Variants in CAMK4 observed in about 807,000 individuals in gnomAD.
CAMK4 encodes calcium/calmodulin dependent protein kinase IV, also known as calcium/calmodulin-dependent protein kinase type IV.
Under a neutral mutation model 44.9 loss-of-function variants are expected in CAMK4, and 22 were observed. The observed-to-expected ratio is 0.49, with a 90% CI of 0.35 to 0.70. CAMK4 has a LOEUF of 0.70. CAMK4 is among the 30% of genes least tolerant of loss of function. The pLI is 0.01. For synonymous variants in CAMK4, 218 were observed against 215.4 expected (o/e 1.01, Z -0.11); for missense variants, 498 against 586.8 (o/e 0.85, Z 1.56).
At chr5:111,463,945 T>A (rs1483997710) in intron 7 of CAMK4, among the ~76,000 whole-genome samples, 1 of 151,590 alleles carries the variant, frequency 6.6e-6, no homozygotes, top group East Asian at 1.9e-4. Flanking sequence ...TCTTTCACAC[T>A]CTCAAAAGAT....
chr5:111,396,321 A>T (rs572469827), intron 5 of CAMK4, among the ~76,000 whole-genome samples: 1 of 152,258 alleles, frequency 6.6e-6, no homozygotes, highest in East Asian at 1.9e-4. Context: ...CCTGGAGAGG[A>T]TGCCAACACA....
At chr5:111,454,760 G>A (rs1754359367) in intron 7 of CAMK4, among the ~76,000 whole-genome samples, 1 of 151,590 alleles carries the variant, frequency 6.6e-6, no homozygotes, top group Non-Finnish European at 1.5e-5. Flanking sequence ...AGATATTTAA[G>A]GCTTGAAGTT....
chr5:111,316,368 A>C (rs1748423540), intron 1 of CAMK4, among the ~76,000 whole-genome samples: 1 of 152,148 alleles, frequency 6.6e-6, no homozygotes, highest in Non-Finnish European at 1.5e-5. Context: ...GTCTCACTCC[A>C]CAGACATTTG....
rs1045290360 is a variant in CAMK4, at chr5:111,486,955, ACAAAT to A, written c.*2494_*2498del. 5.4e-4 allele frequency: 82 copies of A among 152,360 alleles called. 1 individual carries two copies. Among genetic ancestry groups the A allele is most frequent in the African/African-American group, 8.9e-4 (37 of 41,590 alleles). 9.4% of individuals were successfully genotyped at this position (152,360 alleles called of 1,614,324 possible). ...ACTAATTTCATTGTTTCAGTAGGAA[ACAAAT>A]CAAACTTTCAAAAATGTTGGTCATT... On this transcript the variant is annotated 3_prime_UTR_variant, in exon 11 of 11. Coordinates refer to ENST00000282356, the MANE Select transcript of CAMK4 (RefSeq NM_001744.6).
rs13167736 is a variant in CAMK4 at position 111,273,716 on chromosome 5, T to C, written c.161+49072T>C. ...ATATATATATATATATATATATATATATACACACACATACATACACACACA... is the reference window on the plus strand; with the variant it reads ...ATATATATATATATATATATATATACATACACACACATACATACACACACA... On this transcript the variant is annotated intron_variant, in intron 1 of 10. Transcript: ENST00000282356. Among the ~76,000 whole-genome samples the C allele has an allele frequency of 2.1e-4, 12 of 57,000 alleles. 1 individual carries two copies. Among genetic ancestry groups the C allele is most frequent in the South Asian group, 8.6e-4 (1 of 1,168 alleles). 37.4% of individuals were successfully genotyped at this position (57,000 alleles called of 152,430 possible).
At chr5:111,475,228 T>C (rs1198533401) in intron 8 of CAMK4, among the ~76,000 whole-genome samples, 1 of 152,086 alleles carries the variant, frequency 6.6e-6, no homozygotes, top group East Asian at 1.9e-4. Flanking sequence ...GAGATAAAGA[T>C]CCTGTTTTTG....
chr5:111,437,986 C>A (rs1028372827), intron 5 of CAMK4, among the ~76,000 whole-genome samples: 1 of 152,086 alleles, frequency 6.6e-6, no homozygotes, highest in Non-Finnish European at 1.5e-5. Flanking sequence ...CTATGGCCAT[C>A]CAGCTGGAGT....
intron 2 of CAMK4, among the ~76,000 whole-genome samples, chr5:111,355,474 A>G (rs186383370): frequency 7.7e-6 from 1 of 129,050 alleles, no homozygotes; most frequent in Non-Finnish European, 1.6e-5. Flanking sequence ...ATTTATTACA[A>G]TTCTGCATTC....
chr5:111,246,417 A>G (rs756183155), intron 1 of CAMK4, among the ~76,000 whole-genome samples: 7 of 152,344 alleles, frequency 4.6e-5, no homozygotes, highest in South Asian at 2.1e-4. Context: ...AAAGAAACCT[A>G]GCTGAGATCA....
At chr5:111,449,038 T>C (rs777074081) in intron 6 of CAMK4, 91 bp from the exon 7 acceptor site, 8 of 600,742 alleles carry the variant, frequency 1.3e-5, no homozygotes, top group African/African-American at 3.8e-5. Flanking sequence ...AGCAAATAGA[T>C]AAATAAGTTA....
chr5:111,254,725 C>G (rs549081115), intron 1 of CAMK4, among the ~76,000 whole-genome samples: 3 of 152,252 alleles, frequency 2.0e-5, no homozygotes, highest in African/African-American at 7.2e-5. Context: ...CTGCTAATCC[C>G]CCATCAATGC....
At chr5:111,443,889 T>C (rs567238705) in intron 5 of CAMK4, among the ~76,000 whole-genome samples, 44 of 152,342 alleles carry the variant, frequency 2.9e-4, no homozygotes, top group Non-Finnish European at 5.6e-4. Context: ...AAAGGTACTA[T>C]ATGAGATATT....
At position 111,333,104 on chromosome 5, in the gene CAMK4, A is replaced by T. The variant is rs1749242101; in HGVS notation, c.162-10920A>T. Among the ~76,000 whole-genome samples the T allele has an allele frequency of 3.3e-5, 5 of 151,690 alleles. No homozygotes were observed. The South Asian group carries it at 1.0e-3, about 31-fold the overall frequency. ...ATAGTATATAAAAACAATGGTATATATTGCTTATTAATATTAAGCATAATT... is the reference window on the plus strand; with the variant it reads ...ATAGTATATAAAAACAATGGTATATTTTGCTTATTAATATTAAGCATAATT... On this transcript the variant is annotated intron_variant, in intron 1 of 10. Coordinates refer to ENST00000282356, the MANE Select transcript of CAMK4 (RefSeq NM_001744.6).
At chr5:111,330,161 A>G (rs2112718840) in intron 1 of CAMK4, among the ~76,000 whole-genome samples, 1 of 151,282 alleles carries the variant, frequency 6.6e-6, no homozygotes, top group Non-Finnish European at 1.5e-5. Flanking sequence ...AGGTTTTAAG[A>G]TAAATGTCAC....
intron 1 of CAMK4, among the ~76,000 whole-genome samples, chr5:111,230,353 G>A (rs1284895666): frequency 6.6e-6 from 1 of 152,140 alleles, no homozygotes; most frequent in Non-Finnish European, 1.5e-5. Flanking sequence ...AGAATTAGGA[G>A]TTAAATCAAG....
intron 2 of CAMK4, among the ~76,000 whole-genome samples, chr5:111,363,698 G>T (rs1561440444): frequency 6.7e-6 from 1 of 148,462 alleles, no homozygotes; most frequent in Non-Finnish European, 1.5e-5. Context: ...AAAGAGGCCT[G>T]ATGGAAGAGG....
intron 4 of CAMK4, among the ~76,000 whole-genome samples, chr5:111,381,632 T>G (rs1391809921): frequency 6.6e-6 from 1 of 152,178 alleles, no homozygotes; most frequent in East Asian, 1.9e-4. Flanking sequence ...GGCAACGCCC[T>G]CACAGACACA....
rs145303440 is a variant in CAMK4, at chr5:111,321,787, C to G, written c.162-22237C>G. ...TCTTCTCCAGAAACAATAACAGATGCTGTTGATGTTTAAAAAGCTGCCTGG... is the reference window on the plus strand; with the variant it reads ...TCTTCTCCAGAAACAATAACAGATGGTGTTGATGTTTAAAAAGCTGCCTGG... On this transcript the variant is annotated intron_variant, in intron 1 of 10. Coordinates refer to ENST00000282356, the MANE Select transcript of CAMK4 (RefSeq NM_001744.6). Among the ~76,000 whole-genome samples, 97 of 152,206 alleles carry G rather than the reference C, an allele frequency of 6.4e-4. 1 individual carries two copies. The East Asian group carries it at 0.017, about 26-fold the overall frequency.
At chr5:111,296,610 C>G (rs983348866) in intron 1 of CAMK4, among the ~76,000 whole-genome samples, 2 of 152,166 alleles carry the variant, frequency 1.3e-5, no homozygotes, top group Non-Finnish European at 2.9e-5. Context: ...AATAGGACAA[C>G]TCTATAAATG....
Sources: allele counts gnomAD v4.1 joint callset (sites outside exome capture counted in the v4.1 genomes callset), GRCh38; gene constraint gnomAD v4.1.1; transcripts MANE v1.5; gene names NCBI Gene and HGNC (gene_info 2026-07-23, HGNC 2026-07-21).